The following CABP1 variants were observed in gnomAD, a reference collection of about 807,000 sequenced individuals.
CABP1 encodes the protein calcium binding protein 1.
Under a neutral mutation model 34.3 loss-of-function variants are expected in CABP1, and 17 were observed. The observed-to-expected ratio is 0.50, with a 90% CI of 0.34 to 0.74. The LOEUF is 0.74. Ranked by LOEUF, CABP1 falls within the 30% of genes least tolerant of loss-of-function variation. The probability of loss-of-function intolerance (pLI) is 0.01; values close to 1 mark genes in which losing one functional copy is unlikely to be tolerated. For synonymous variants in CABP1, 198 were observed against 229.2 expected, an observed-to-expected ratio of 0.86 and a Z score of 1.23; for missense variants, 373 against 511.1, an observed-to-expected ratio of 0.73 and a Z score of 2.61.
At chr12:120,655,650 GACTT>G in intron 1 of CABP1, 1 of 1,411,236 alleles carries the variant, frequency 7.1e-7, no homozygotes, top group South Asian at 1.6e-5. Flanking sequence ...TGGGAGGAAT[GACTT>G]AGCCCTGGAG....
chr12:120,657,615 T>A (rs1880318625), intron 1 of CABP1, among the ~76,000 whole-genome samples: 1 of 152,200 alleles, frequency 6.6e-6, no homozygotes, highest in Non-Finnish European at 1.5e-5. Flanking sequence ...TGGGCATCCC[T>A]GGCTCTACTC....
intron 1 of CABP1, among the ~76,000 whole-genome samples, chr12:120,656,682 G>A (rs1880247528): frequency 6.6e-6 from 1 of 152,132 alleles, no homozygotes; most frequent in South Asian, 2.1e-4. Flanking sequence ...GATCACTTGA[G>A]GTCAGGAGTT....
rs1259372242 is a variant in CABP1 at position 120,640,904 on chromosome 12, G to C, written c.219G>C (p.Lys73Asn). ...GCGAGTCCAAGACGTCGCTGCTGAA[G>C]GCGGCGGCGGCGGCGGCGAGCGGGG... ...AKSESKTSLLKAAAAAASGGS... is the reference protein window; with the variant it reads ...AKSESKTSLLNAAAAAASGGS... The change falls in exon 1 of 6, where the codon AAG becomes AAC. Residue 73 changes from lysine to asparagine, a missense_variant. By Grantham distance (94) the Lys-to-Asn change is moderately conservative (BLOSUM62 0). This residue lies in a region of CABP1 where 134 missense variants were observed against 145.4 expected (regional missense o/e 0.92). Coordinates refer to ENST00000316803, the MANE Select transcript of CABP1 (RefSeq NM_001033677.2). The surrounding 1 kb of genome is among the most constrained non-coding windows in gnomAD (Gnocchi z 6.2). 2.8e-6 allele frequency: 3 copies of C among 1,089,518 alleles called. No individual in the cohort carries two copies. In the African/African-American group the frequency reaches 5.1e-5, roughly 18 times the overall value. 67.5% of individuals were successfully genotyped at this position (1,089,518 alleles called of 1,614,324 possible).
chr12:120,660,895 A>G lies in CABP1; in HGVS notation c.939+55A>G. On this transcript the variant is annotated intron_variant, in intron 4 of 5. Coordinates refer to ENST00000316803, the MANE Select transcript of CABP1 (RefSeq NM_001033677.2). This position sits in a 1 kb window ranked among gnomAD's most constrained non-coding sequence, Gnocchi z 5.0. Reference sequence around the variant, plus strand: ...CGGCTATTGGAATCCTATCTGCAGTATAAATACTTCAAAAGAAGCCTGAGC... The same window carrying G: ...CGGCTATTGGAATCCTATCTGCAGTGTAAATACTTCAAAAGAAGCCTGAGC... 1.4e-6 allele frequency: 2 copies of G among 1,435,818 alleles called. No homozygotes were observed. Among genetic ancestry groups the G allele is most frequent in the South Asian group, 2.3e-5 (2 of 87,032 alleles). 88.9% of individuals were successfully genotyped at this position (1,435,818 alleles called of 1,614,324 possible).
the CABP1 span, among the ~76,000 whole-genome samples, chr12:120,675,704 G>A: frequency 6.6e-6 from 1 of 152,196 alleles, no homozygotes; most frequent in Admixed American, 6.5e-5. Flanking sequence ...TCACTAGAAT[G>A]TAAGCTCCAT....
At chr12:120,655,973 C>G in intron 1 of CABP1, 2 of 1,552,280 alleles carry the variant, frequency 1.3e-6, no homozygotes, top group Non-Finnish European at 1.7e-6. Context: ...GCTCTCTGAA[C>G]CCCGCTCCTT....
intron 1 of CABP1, among the ~76,000 whole-genome samples, chr12:120,648,244 C>T (rs1004595421): frequency 6.6e-6 from 1 of 152,140 alleles, no homozygotes. Flanking sequence ...CACTCACATT[C>T]CCAGAGTTTT....
chr12:120,641,281 C>A lies in CABP1; in HGVS notation c.596C>A (p.Ser199Tyr). Residue 199 changes from serine to tyrosine, a missense_variant, in exon 1 of 6, where the codon TCC (serine) becomes TAC (tyrosine). Physicochemically the swap from Ser to Tyr is moderately radical, Grantham distance 144. This residue lies in a region of CABP1 where 121 missense variants were observed against 125.5 expected (regional missense o/e 0.96). Coordinates refer to ENST00000316803, the MANE Select transcript of CABP1 (RefSeq NM_001033677.2). This position sits in a 1 kb window ranked among gnomAD's most constrained non-coding sequence, Gnocchi z 6.7. ...GGGGACTCCGTTCCAGCCGCCGCGT[C>A]CGAGGCGGACCCGTTCCTCCACCGG... ...GRGDSVPAAA[S>Y]EADPFLHRLR... The A allele has an allele frequency of 7.6e-7, 1 of 1,316,850 alleles. No homozygotes were observed. The highest frequency in any genetic ancestry group is 9.7e-7 in the Non-Finnish European group (1 of 1,034,976). The allele number at this position is 1,316,850 out of a possible 1,614,324, so 81.6% of individuals were successfully genotyped here.
chr12:120,662,984 C>T (rs1880750297), intron 5 of CABP1, among the ~76,000 whole-genome samples: 1 of 152,144 alleles, frequency 6.6e-6, no homozygotes. Context: ...TGCATCTGGC[C>T]TATCCTGTTT....
chr12:120,659,763 C>G, intron 1 of CABP1, 115 bp from the exon 2 acceptor site: 2 of 870,306 alleles, frequency 2.3e-6, no homozygotes, highest in Non-Finnish European at 3.8e-6. Context: ...ACCTGTGCTG[C>G]ATCCTCGTCA....
chr12:120,666,831 C>T, intron 5 of CABP1, 44 bp from the exon 6 acceptor site: 2 of 1,583,998 alleles, frequency 1.3e-6, no homozygotes, highest in East Asian at 2.3e-5. Flanking sequence ...CTGGGGAGGC[C>T]TCTGGCTGCT....
At chr12:120,680,420 G>A in the CABP1 span, among the ~76,000 whole-genome samples, 1 of 152,092 alleles carries the variant, frequency 6.6e-6, no homozygotes, top group Non-Finnish European at 1.5e-5. Flanking sequence ...CTCTAACGAG[G>A]GCAAGTCCTC....
Position 120,666,225 on chromosome 12 carries a change from A to G in CABP1, c.1088-650A>G, listed in dbSNP as rs1202542173. Reference sequence around the variant, plus strand: ...CATTAAAAAAAAAAAAAAAAAAGGAAGAAGAAGAAGGGAGGGGGTACAGGT... The same window carrying G: ...CATTAAAAAAAAAAAAAAAAAAGGAGGAAGAAGAAGGGAGGGGGTACAGGT... On this transcript the variant is annotated intron_variant, in intron 5 of 5. Coordinates refer to ENST00000316803, the MANE Select transcript of CABP1 (RefSeq NM_001033677.2). Among the ~76,000 whole-genome samples the G allele has an allele frequency of 2.2e-4, 32 of 146,732 alleles. 1 individual carries two copies. The highest frequency in any genetic ancestry group is 7.6e-4 in the African/African-American group (30 of 39,670).
chr12:120,656,420 T>G, intron 1 of CABP1: 1 of 619,678 alleles, frequency 1.6e-6, no homozygotes, highest in Non-Finnish European at 2.7e-6. Context: ...TACAAAGTGC[T>G]GGTGAGTCCA....
chr12:120,671,203 C>T (rs568543198), downstream of CABP1, among the ~76,000 whole-genome samples: 6 of 151,850 alleles, frequency 4.0e-5, no homozygotes, highest in East Asian at 1.9e-4. Context: ...GTCAGGAGTT[C>T]GAGACCAGCC....
chr12:120,673,334 C>CA, the CABP1 span, among the ~76,000 whole-genome samples: 1 of 152,098 alleles, frequency 6.6e-6, no homozygotes, highest in African/African-American at 2.4e-5. Context: ...CCTGTAATCC[C>CA]AGCGCTTTGG....
chr12:120,641,266 T>C lies in CABP1; in HGVS notation c.581T>C (p.Val194Ala). ...CGAGCCCGGGGCCGCGGGGACTCCGTTCCAGCCGCCGCGTCCGAGGCGGAC... is the reference window on the plus strand; with the variant it reads ...CGAGCCCGGGGCCGCGGGGACTCCGCTCCAGCCGCCGCGTCCGAGGCGGAC... ...SLRARGRGDS[V>A]PAAASEADPF... Residue 194 changes from valine (V) to alanine (A), a missense_variant, in exon 1 of 6, where the codon GTT becomes GCT. Coordinates refer to ENST00000316803, the MANE Select transcript of CABP1 (RefSeq NM_001033677.2). The surrounding 1 kb of genome is among the most constrained non-coding windows in gnomAD (Gnocchi z 6.7). The C allele has an allele frequency of 1.6e-6, 2 of 1,282,774 alleles. No homozygotes were observed. Among genetic ancestry groups the C allele is most frequent in the Non-Finnish European group, 2.0e-6 (2 of 1,016,050 alleles). The allele number at this position is 1,282,774 out of a possible 1,614,324, so 79.5% of individuals were successfully genotyped here. A position where few individuals can be genotyped will look rare whatever the true frequency, so the allele number is the denominator to read the frequency against.
At chr12:120,653,805 T>A (rs1364334899) in intron 1 of CABP1, among the ~76,000 whole-genome samples, 3 of 152,358 alleles carry the variant, frequency 2.0e-5, no homozygotes, top group Middle Eastern at 6.8e-3. Context: ...AGTGCTGGGA[T>A]GACAGGCATG....
At chr12:120,655,583 G>A in intron 1 of CABP1, 1 of 1,291,724 alleles carries the variant, frequency 7.7e-7, no homozygotes, top group Non-Finnish European at 9.8e-7. Flanking sequence ...AGCTCCGATT[G>A]CCCTCACTGC....
Sources: allele counts gnomAD v4.1 joint callset (sites outside exome capture counted in the v4.1 genomes callset), GRCh38; gene constraint gnomAD v4.1.1; regional missense constraint gnomAD v4.1.1; non-coding constraint Gnocchi (gnomAD v3.1); transcripts MANE v1.5; gene names NCBI Gene and HGNC (gene_info 2026-07-23, HGNC 2026-07-21).